SCAP: variants seen among roughly 807,000 people sequenced by gnomAD.
The protein encoded by SCAP is SREBF chaperone.
In SCAP, 65 loss-of-function variants were observed where a neutral mutation model predicts 123.6. The ratio of observed to expected loss-of-function variants is 0.53; its 90% CI spans 0.43 to 0.65. The LOEUF is 0.65. SCAP is among the 30% of genes least tolerant of loss of function. The probability of loss-of-function intolerance (pLI) is 0.00; values close to 1 mark genes in which losing one functional copy is unlikely to be tolerated. For missense variants in SCAP, 1,398 were observed against 1,712.5 expected (o/e 0.82, Z 3.24); for synonymous variants, 740 against 726.3 (o/e 1.02, Z -0.30).
intron 1 of SCAP, among the ~76,000 whole-genome samples, chr3:47,456,844 GTGC>G (rs1257529010): frequency 2.6e-5 from 4 of 151,880 alleles, no homozygotes; most frequent in Non-Finnish European, 5.9e-5. Context: ...CGCTGACAAG[GTGC>G]TAAATTCCCG....
intron 1 of SCAP, among the ~76,000 whole-genome samples, chr3:47,458,802 T>A (rs758395982): frequency 6.6e-6 from 1 of 152,172 alleles, no homozygotes; most frequent in Non-Finnish European, 1.5e-5. Context: ...ATCAGTTTTA[T>A]TTTTATTTAT....
At chr3:47,453,774 C>T (rs1707307147) in intron 1 of SCAP, among the ~76,000 whole-genome samples, 1 of 152,046 alleles carries the variant, frequency 6.6e-6, no homozygotes, top group African/African-American at 2.4e-5. Flanking sequence ...GCATTCTTCC[C>T]CAAAATAACC....
intron 9 of SCAP, among the ~76,000 whole-genome samples, chr3:47,423,401 C>T (rs1446867709): frequency 6.6e-6 from 1 of 152,254 alleles, no homozygotes; most frequent in Non-Finnish European, 1.5e-5. Flanking sequence ...CTAAACTCCC[C>T]AGACAGAAAG....
chr3:47,421,369 T>C (rs920320762), intron 10 of SCAP: 4 of 266,508 alleles, frequency 1.5e-5, no homozygotes, highest in South Asian at 1.3e-4. Context: ...CAAAAAGTCC[T>C]TCCCCACTGA....
Position 47,435,036 on chromosome 3 carries a change from T to C in SCAP, c.224A>G (p.Gln75Arg). 1.2e-6 allele frequency: 2 copies of C among 1,614,070 alleles called. No homozygotes were observed. Among genetic ancestry groups the C allele is most frequent in the Non-Finnish European group, 8.5e-7 (1 of 1,179,958 alleles). Residue 75 changes from glutamine (Q) to arginine (R), a missense_variant, in exon 3 of 23, where the codon CAA becomes CGA. Gln to Arg is a conservative substitution (Grantham distance 43). Transcript: ENST00000265565. ...SPPPVDSDRKQGEPTEQPEWY... is the reference protein window; with the variant it reads ...SPPPVDSDRKRGEPTEQPEWY... The stretch of plus-strand genomic sequence containing the variant: ...CTCAGGCTGCTCAGTAGGCTCTCCT[T>C]GTTTGCGGTCAGAGTCCACAGGTGG...
chr3:47,458,251 G>A (rs1348609744), intron 1 of SCAP, among the ~76,000 whole-genome samples: 2 of 152,130 alleles, frequency 1.3e-5, no homozygotes, highest in Non-Finnish European at 2.9e-5. Context: ...CCAACACAGT[G>A]AAACCCCGTC....
At chr3:47,470,589 G>A (rs1049965701) in intron 1 of SCAP, among the ~76,000 whole-genome samples, 7 of 152,354 alleles carry the variant, frequency 4.6e-5, no homozygotes, top group South Asian at 2.1e-4. Context: ...TTTGCGGGGC[G>A]CAGTGGCTCA....
At chr3:47,458,209 G>A (rs539036307) in intron 1 of SCAP, among the ~76,000 whole-genome samples, 1 of 152,222 alleles carries the variant, frequency 6.6e-6, no homozygotes, top group African/African-American at 2.4e-5. Context: ...AAGGCGGGTG[G>A]ATCACGAGGT....
Position 47,417,156 on chromosome 3 carries a change from A to G in SCAP, c.3022T>C (p.Ser1008Pro). The change falls in exon 18 of 23, where the codon TCA becomes CCA. Residue 1008 changes from serine (S) to proline (P), a missense_variant. Ser to Pro is a moderately conservative substitution (Grantham distance 74). This residue lies in a region of SCAP where 828 missense variants were observed against 882.5 expected (regional missense o/e 0.94). Coordinates refer to ENST00000265565, the MANE Select transcript of SCAP (RefSeq NM_012235.4). ...VLCCSSEEVS[S>P]GITALVFLDK... ...AAGAACACCAGAGCGGTAATGCCTG[A>G]GGAGACCTCCTCGCTGCTGCAGCAC... 1 of 1,613,066 alleles carries G rather than the reference A, an allele frequency of 6.2e-7. No individual in the cohort carries two copies. The highest frequency in any genetic ancestry group is 8.5e-7 in the Non-Finnish European group (1 of 1,179,990).
intron 1 of SCAP, among the ~76,000 whole-genome samples, chr3:47,463,640 G>A (rs907727540): frequency 2.6e-4 from 40 of 152,260 alleles, no homozygotes; most frequent in Non-Finnish European, 2.9e-5. Context: ...AGAGGTTGCA[G>A]TGAGCTGAGA....
At position 47,419,254 on chromosome 3, in the gene SCAP, C is replaced by T; in HGVS notation, c.1940+74G>A. The T allele has an allele frequency of 6.6e-7, 1 of 1,512,922 alleles. No homozygotes were observed. Among genetic ancestry groups the T allele is most frequent in the Non-Finnish European group, 8.9e-7 (1 of 1,120,236 alleles). The allele number at this position is 1,512,922 out of a possible 1,614,324, so 93.7% of individuals were successfully genotyped here. ...TATTTGCATAATTCAAACCTGTGGGCCTCCTGCATTGGGGAAAGGGGATGG... is the reference window on the plus strand; with the variant it reads ...TATTTGCATAATTCAAACCTGTGGGTCTCCTGCATTGGGGAAAGGGGATGG... On this transcript the variant is annotated intron_variant, in intron 13 of 22. Coordinates refer to ENST00000265565, the MANE Select transcript of SCAP (RefSeq NM_012235.4). The surrounding 1 kb of genome is among the most constrained non-coding windows in gnomAD (Gnocchi z 5.0).
At chr3:47,427,692 C>T in intron 4 of SCAP, 25 bp from the exon 5 acceptor site, 1 of 1,601,472 alleles carries the variant, frequency 6.2e-7, no homozygotes, top group Non-Finnish European at 8.5e-7. Context: ...GGACAAGGCA[C>T]CTGCTGTGTC....
intron 1 of SCAP, among the ~76,000 whole-genome samples, chr3:47,443,821 A>T (rs1461348777): frequency 6.6e-6 from 1 of 152,162 alleles, no homozygotes; most frequent in Non-Finnish European, 1.5e-5. Flanking sequence ...CACAGGATTT[A>T]ACCTGGATTA....
chr3:47,425,371 C>A, intron 8 of SCAP, 114 bp downstream of exon 8: 1 of 1,146,134 alleles, frequency 8.7e-7, no homozygotes. Context: ...TCAAAAACAA[C>A]AATGTGAAGA....
At chr3:47,456,247 C>A (rs1364159705) in intron 1 of SCAP, among the ~76,000 whole-genome samples, 2 of 151,824 alleles carry the variant, frequency 1.3e-5, no homozygotes, top group African/African-American at 4.8e-5. Context: ...ACCAAAAGTA[C>A]AAAAATTAGC....
At chr3:47,463,245 T>G (rs1391344785) in intron 1 of SCAP, among the ~76,000 whole-genome samples, 1 of 152,118 alleles carries the variant, frequency 6.6e-6, no homozygotes, top group Non-Finnish European at 1.5e-5. Context: ...CAGTTTTACC[T>G]CCAAGTCAGA....
In SCAP at chr3:47,418,651, T is replaced by G; in HGVS notation, c.2129+4A>C. The G allele has an allele frequency of 1.6e-6, 1 of 624,988 alleles. No homozygotes were observed. The highest frequency in any genetic ancestry group is 2.6e-6 in the Non-Finnish European group (1 of 388,002). The allele number at this position is 624,988 out of a possible 1,614,324, so 38.7% of individuals were successfully genotyped here. A position where few individuals can be genotyped will look rare whatever the true frequency, so the allele number is the denominator to read the frequency against. On this transcript the variant is annotated splice_donor_region_variant and intron_variant, in intron 14 of 22. Transcript: ENST00000265565. ...TCCCACCCCACCCCACCCAGCAGCC[T>G]TACTTGTACAGCGTGACGTCTCCAT...
chr3:47,418,280 G>A (rs1371325544), intron 15 of SCAP, 31 bp from the exon 16 acceptor site: 26 of 1,553,662 alleles, frequency 1.7e-5, no homozygotes, highest in Non-Finnish European at 2.0e-5. Flanking sequence ...TATGGGCCAG[G>A]CTCCGGCCCT....
At chr3:47,463,589 A>G (rs2108003750) in intron 1 of SCAP, among the ~76,000 whole-genome samples, 1 of 152,198 alleles carries the variant, frequency 6.6e-6, no homozygotes, top group African/African-American at 2.4e-5. Context: ...TCCCAGCTAC[A>G]TGGGAAACTG....
Sources: gnomAD v4.1 joint callset for allele counts (sites outside exome capture counted in the v4.1 genomes callset) on GRCh38, gnomAD v4.1.1 for gene constraint, gnomAD v4.1.1 regional missense constraint, Gnocchi (gnomAD v3.1) non-coding constraint, MANE v1.5 for transcripts, NCBI Gene and HGNC (gene_info 2026-07-23, HGNC 2026-07-21) for gene names.